The following WASHC4 variants were observed in gnomAD, a reference collection of about 807,000 sequenced individuals.
The protein encoded by WASHC4 is WASH complex subunit 7.
WASHC4 carries 86 observed loss-of-function variants against 166.6 expected under a neutral mutation model. The ratio of observed to expected loss-of-function variants is 0.52; its 90% CI spans 0.43 to 0.62. WASHC4 has a LOEUF of 0.62. Ranked by LOEUF, WASHC4 falls within the 20% of genes least tolerant of loss-of-function variation. The probability of loss-of-function intolerance (pLI) is 0.00; values close to 1 mark genes in which losing one functional copy is unlikely to be tolerated. For synonymous variants in WASHC4, 446 were observed against 451.6 expected (o/e 0.99, Z 0.16); for missense variants, 1,262 against 1,382.4 (o/e 0.91, Z 1.38).
intron 29 of WASHC4, among the ~76,000 whole-genome samples, chr12:105,162,492 G>A (rs773644181): frequency 3.8e-4 from 58 of 152,056 alleles, no homozygotes; most frequent in Non-Finnish European, 6.2e-4. Flanking sequence ...CACTGTTCTT[G>A]GGCTAAGTAG....
At position 105,118,439 on chromosome 12, in the gene WASHC4, G is replaced by A. The variant is rs776139489; in HGVS notation, c.436-7G>A. 18 of 1,605,394 alleles carry A rather than the reference G, an allele frequency of 1.1e-5. No homozygotes were observed. Among genetic ancestry groups the A allele is most frequent in the South Asian group, 6.6e-5 (6 of 90,906 alleles). On this transcript the variant is annotated splice_region_variant and splice_polypyrimidine_tract_variant and intron_variant, in intron 6 of 32. Transcript: ENST00000332180. ...CTTTATAATATATACCCACCTTCTC[G>A]TTTCAGGAACTGTCTTGCTTTGTTA...
chr12:105,139,425 G>GTGTATATA lies in WASHC4; in HGVS notation c.1453-868_1453-867insGTATATAT. Among the ~76,000 whole-genome samples, 239 of 103,222 alleles carry GTGTATATA rather than the reference G, an allele frequency of 2.3e-3. 1 individual carries two copies. Among genetic ancestry groups the GTGTATATA allele is most frequent in the Middle Eastern group, 0.013 (2 of 154 alleles). The allele number at this position is 103,222 out of a possible 152,430, so 67.7% of individuals were successfully genotyped here. On this transcript the variant is annotated intron_variant, in intron 15 of 32. Transcript: ENST00000332180. ...AGACAGACTATATATATGTGTGTGT[G>GTGTATATA]TATATATATATATATATATATATAT...
intron 14 of WASHC4, among the ~76,000 whole-genome samples, chr12:105,136,637 A>C (rs183913543): frequency 6.6e-6 from 1 of 152,140 alleles, no homozygotes; most frequent in East Asian, 1.9e-4. Context: ...TTTCTGCCTG[A>C]CTTAGAGTTA....
chr12:105,109,122 A>G (rs1879396656), intron 1 of WASHC4, among the ~76,000 whole-genome samples: 1 of 152,198 alleles, frequency 6.6e-6, no homozygotes, highest in South Asian at 2.1e-4. Context: ...GGTGATAATA[A>G]GGTATTAGCT....
At position 105,107,798 on chromosome 12, in the gene WASHC4, G is replaced by T. The variant is rs1221246198; in HGVS notation, c.-3G>T. The stretch of plus-strand genomic sequence containing the variant: ...GGCTGTGTCTGTGGGAGGCGCCGGG[G>T]TGATGGCGGTGGAGACTCTGTCCCC... On this transcript the variant is annotated 5_prime_UTR_variant, in exon 1 of 33. Transcript: ENST00000332180. 7.7e-6 allele frequency: 12 copies of T among 1,550,198 alleles called. No homozygotes were observed. The highest frequency in any genetic ancestry group is 9.6e-6 in the Non-Finnish European group (11 of 1,145,974).
At chr12:105,160,186 A>C in intron 29 of WASHC4, 38 bp downstream of exon 29, 1 of 1,524,124 alleles carries the variant, frequency 6.6e-7, no homozygotes, top group Admixed American at 1.7e-5. Flanking sequence ...TTTTTTTTTT[A>C]AAAAGAGTAT....
chr12:105,107,772 G>T lies in WASHC4; in HGVS notation c.-29G>T. 1 of 1,535,600 alleles carries T rather than the reference G, an allele frequency of 6.5e-7. No homozygotes were observed. The highest frequency in any genetic ancestry group is 8.8e-7 in the Non-Finnish European group (1 of 1,133,062). Reference sequence around the variant, plus strand: ...CCGTCGTCGCCGCACGGGCTGGTTGGGGCTGTGTCTGTGGGAGGCGCCGGG... The same window carrying T: ...CCGTCGTCGCCGCACGGGCTGGTTGTGGCTGTGTCTGTGGGAGGCGCCGGG... On this transcript the variant is annotated 5_prime_UTR_variant, in exon 1 of 33. Transcript: ENST00000332180.
At position 105,121,099 on chromosome 12, in the gene WASHC4, A is replaced by G; in HGVS notation, c.562-2A>G. The G allele has an allele frequency of 6.2e-7, 1 of 1,606,212 alleles. No individual in the cohort carries two copies. Among genetic ancestry groups the G allele is most frequent in the Non-Finnish European group, 8.5e-7 (1 of 1,173,284 alleles). On this transcript the variant is annotated splice_acceptor_variant, in intron 8 of 32. Coordinates refer to ENST00000332180, the MANE Select transcript of WASHC4 (RefSeq NM_015275.3). LOFTEE classifies it high-confidence loss of function. ...TGATAATCATTAAAGGTTTTTTGAC[A>G]GACTATGTATGAGCACTTGGGAGAA...
In WASHC4 at chr12:105,121,113, C is replaced by G; in HGVS notation, c.574C>G (p.His192Asp). 1 of 1,611,342 alleles carries G rather than the reference C, an allele frequency of 6.2e-7. No individual in the cohort carries two copies. Residue 192 changes from histidine to aspartate, a missense_variant, in exon 9 of 33, where the codon CAC becomes GAC. By Grantham distance (81) the His-to-Asp change is moderately conservative. Coordinates refer to ENST00000332180, the MANE Select transcript of WASHC4 (RefSeq NM_015275.3). ...GGTTTTTTGACAGACTATGTATGAG[C>G]ACTTGGGAGAACTGCTAACAGTTTT... ...TGVHFQTMYE[H>D]LGELLTVLLT...
intron 26 of WASHC4, among the ~76,000 whole-genome samples, chr12:105,155,475 G>C (rs1165076621): frequency 0.017 from 1 of 58 alleles, no homozygotes; most frequent in Admixed American, 0.1. Context: ...AACAGTAGCA[G>C]AGGGGTGCAA....
intron 2 of WASHC4, among the ~76,000 whole-genome samples, chr12:105,111,802 C>T: frequency 6.6e-6 from 1 of 152,142 alleles, no homozygotes; most frequent in East Asian, 1.9e-4. Context: ...TTTGTTACCA[C>T]TTGAAAAATA....
At position 105,152,358 on chromosome 12, in the gene WASHC4, G is replaced by A. The variant is rs1359769372; in HGVS notation, c.2665G>A (p.Ala889Thr). The change falls in exon 26 of 33, where the codon GCA (alanine) becomes ACA (threonine). Residue 889 changes from alanine (A) to threonine (T), a missense_variant. Ala to Thr is a moderately conservative substitution (Grantham distance 58). Transcript: ENST00000332180. ...TTCTGTCTAGTATCCTTTTGATAGAGCAGAAAAATTCAATCGAGGCATCAG... is the reference window on the plus strand; with the variant it reads ...TTCTGTCTAGTATCCTTTTGATAGAACAGAAAAATTCAATCGAGGCATCAG... ...QNDHKYPFDR[A>T]EKFNRGIRKL... 1 of 1,581,366 alleles carries A rather than the reference G, an allele frequency of 6.3e-7. No homozygotes were observed. Among genetic ancestry groups the A allele is most frequent in the South Asian group, 1.1e-5 (1 of 90,324 alleles).
rs772807131 is a variant in WASHC4, at chr12:105,167,015, A to G, written c.*84A>G. On this transcript the variant is annotated 3_prime_UTR_variant, in exon 33 of 33. Transcript: ENST00000332180. ...AGTGGAATGGATAAACTATTGATGA[A>G]TTGTTTCCTGGGTCACATCTCTGGA... 1 of 903,956 alleles carries G rather than the reference A, an allele frequency of 1.1e-6. No individual in the cohort carries two copies. Among genetic ancestry groups the G allele is most frequent in the South Asian group, 1.3e-5 (1 of 76,668 alleles). 56.0% of individuals were successfully genotyped at this position (903,956 alleles called of 1,614,324 possible).
At chr12:105,147,869 C>G in intron 24 of WASHC4, 1 of 876,534 alleles carries the variant, frequency 1.1e-6, no homozygotes, top group Non-Finnish European at 1.4e-6. Context: ...TGCGCCATTG[C>G]ACTCCAGCTT....
intron 10 of WASHC4, among the ~76,000 whole-genome samples, chr12:105,123,040 C>T (rs749739056): frequency 2.6e-5 from 4 of 152,170 alleles, no homozygotes; most frequent in Non-Finnish European, 5.9e-5. Context: ...TAGGGCCGGG[C>T]GCGGTGGCTC....
chr12:105,160,142 C>A lies in WASHC4; in HGVS notation c.3054C>A (p.Pro1018=). 6.2e-7 allele frequency: 1 copy of A among 1,613,410 alleles called. No individual in the cohort carries two copies. The highest frequency in any genetic ancestry group is 1.3e-5 in the African/African-American group (1 of 75,020). Residue 1018 remains proline, a synonymous_variant, in exon 29 of 33, where the codon CCC becomes CCA. Coordinates refer to ENST00000332180, the MANE Select transcript of WASHC4 (RefSeq NM_015275.3). Reference sequence around the variant, plus strand: ...TCCGAAATTTCTATATAATTGTTCCCCCTCTGGTGAGTATTTCCAGAACCT... The same window carrying A: ...TCCGAAATTTCTATATAATTGTTCCACCTCTGGTGAGTATTTCCAGAACCT... ...IHLRNFYIIV[P]PLTLNFVEHS...
chr12:105,140,825 TAATC>T (rs151106726), intron 16 of WASHC4, 70 bp from the exon 17 acceptor site: 152,731 of 1,400,930 alleles, frequency 0.11, 9,185 homozygotes, highest in East Asian at 0.25. Context: ...ATGGAAAAGA[TAATC>T]AAGAAGTTTT....
At chr12:105,138,169 A>G (rs1454252649) in intron 15 of WASHC4, among the ~76,000 whole-genome samples, 158 bp downstream of exon 15, 1 of 152,178 alleles carries the variant, frequency 6.6e-6, no homozygotes, top group Non-Finnish European at 1.5e-5. Flanking sequence ...AGCCATTTAA[A>G]TAAATTTCTG....
Position 105,169,092 on chromosome 12 carries a change from A to G in WASHC4, c.*2161A>G, listed in dbSNP as rs1884952129. ...TTTCCCCCAATTCTAAGAGAATATA[A>G]TGTGTATACTAAAACATTAATAAAC... On this transcript the variant is annotated 3_prime_UTR_variant, in exon 33 of 33. Coordinates refer to ENST00000332180, the MANE Select transcript of WASHC4 (RefSeq NM_015275.3). 1 of 152,576 alleles carries G rather than the reference A, an allele frequency of 6.6e-6. No individual in the cohort carries two copies. Among genetic ancestry groups the G allele is most frequent in the African/African-American group, 2.4e-5 (1 of 41,450 alleles). 9.5% of individuals were successfully genotyped at this position (152,576 alleles called of 1,614,324 possible). A position where few individuals can be genotyped will look rare whatever the true frequency, so the allele number is the denominator to read the frequency against.
Sources: allele counts gnomAD v4.1 joint callset (sites outside exome capture counted in the v4.1 genomes callset), GRCh38; gene constraint gnomAD v4.1.1; transcripts MANE v1.5; gene names NCBI Gene and HGNC (gene_info 2026-07-23, HGNC 2026-07-21).